The following GPAT3 variants were observed in gnomAD, a reference collection of about 807,000 sequenced individuals.
The protein encoded by GPAT3 is 1-AGP acyltransferase 9.
GPAT3 carries 53 observed loss-of-function variants against 58.8 expected under a neutral mutation model. That is an observed-to-expected ratio of 0.90 (90% CI 0.72 to 1.13). The LOEUF (loss-of-function observed/expected upper bound fraction) is 1.13, where lower values mean the gene tolerates loss of function less well. GPAT3 is among the 50% of genes most tolerant of loss of function. GPAT3 has a pLI of 0.00. For synonymous variants in GPAT3, 197 were observed against 187.4 expected (o/e 1.05, Z -0.42); for missense variants, 511 against 527.6 (o/e 0.97, Z 0.31).
In GPAT3 at chr4:83,581,699, T is replaced by G; in HGVS notation, c.346T>G (p.Phe116Val). ...TGTAGAAGATGAAGTGACCCAGAGG[T>G]TTTCCTCAGAGGAGCTAGTGTCATG... ...AIVEDEVTQRFSSEELVSWNL... is the reference protein window; with the variant it reads ...AIVEDEVTQRVSSEELVSWNL... Residue 116 changes from phenylalanine to valine, a missense_variant, in exon 3 of 12, where the codon TTT becomes GTT. Coordinates refer to ENST00000264409, the MANE Select transcript of GPAT3 (RefSeq NM_032717.5). 1 of 1,614,038 alleles carries G rather than the reference T, an allele frequency of 6.2e-7. No individual in the cohort carries two copies. The highest frequency in any genetic ancestry group is 8.5e-7 in the Non-Finnish European group (1 of 1,180,004).
intron 3 of GPAT3, among the ~76,000 whole-genome samples, chr4:83,584,689 A>G (rs562120226): frequency 2.2e-4 from 33 of 152,304 alleles, no homozygotes; most frequent in African/African-American, 7.2e-4. Flanking sequence ...TATTTTTAAT[A>G]GAGATGGGGT....
At position 83,597,455 on chromosome 4, in the gene GPAT3, C is replaced by T. The variant is rs749672557; in HGVS notation, c.936C>T (p.Val312=). 9 of 1,574,398 alleles carry T rather than the reference C, an allele frequency of 5.7e-6. No homozygotes were observed. The highest frequency in any genetic ancestry group is 5.2e-5 in the Admixed American group (3 of 57,984). Residue 312 remains valine (V), a synonymous_variant, in exon 9 of 12, where the codon GTC becomes GTT. Transcript: ENST00000264409. ...GAACTTGCATCAACAATACTTCAGT[C>T]ATGATGTTTAAAAAGGGGAGCTTTG... ...PEGTCINNTS[V]MMFKKGSFEI...
chr4:83,561,136 A>G (rs1343915290), intron 2 of GPAT3, among the ~76,000 whole-genome samples: 8 of 152,226 alleles, frequency 5.3e-5, no homozygotes, highest in Non-Finnish European at 1.0e-4. Flanking sequence ...TATTAGAGAA[A>G]ACAGCACAAT....
chr4:83,563,335 A>G (rs1048944920), intron 2 of GPAT3, among the ~76,000 whole-genome samples: 3 of 152,250 alleles, frequency 2.0e-5, no homozygotes, highest in African/African-American at 7.2e-5. Flanking sequence ...CATATGCTTT[A>G]ATAAATGTAG....
chr4:83,575,869 T>A (rs1341047631), intron 2 of GPAT3, among the ~76,000 whole-genome samples: 1 of 152,236 alleles, frequency 6.6e-6, no homozygotes, highest in African/African-American at 2.4e-5. Flanking sequence ...ATATCACATG[T>A]GTACTTGCCA....
At chr4:83,574,597 T>C (rs1725717752) in intron 2 of GPAT3, among the ~76,000 whole-genome samples, 1 of 143,388 alleles carries the variant, frequency 7.0e-6, no homozygotes, top group Non-Finnish European at 1.5e-5. Context: ...CTTTACCCTT[T>C]TAAAGCTGAC....
intron 2 of GPAT3, among the ~76,000 whole-genome samples, chr4:83,562,199 AAT>A (rs1553944888): frequency 2.8e-4 from 10 of 36,044 alleles, no homozygotes; most frequent in Non-Finnish European, 4.2e-4. Flanking sequence ...ATATATATAT[AAT>A]ATATATATAT....
At position 83,596,863 on chromosome 4, in the gene GPAT3, A is replaced by G. The variant is rs1411318142; in HGVS notation, c.860A>G (p.Lys287Arg). ...KDRHLVTKRLKEHIADKKKLP... is the reference protein window; with the variant it reads ...KDRHLVTKRLREHIADKKKLP... ...GATCCTTTTTTTTTCCATAGACTAA[A>G]AGAACATATTGCTGATAAGAAGAAA... is the stretch of plus-strand genomic sequence containing the variant. The change falls in exon 8 of 12, where the codon AAA becomes AGA. Residue 287 changes from lysine to arginine, a missense_variant. Transcript: ENST00000264409. 16 of 1,605,404 alleles carry G rather than the reference A, an allele frequency of 1.0e-5. No homozygotes were observed. The highest frequency in any genetic ancestry group is 1.3e-5 in the Non-Finnish European group (15 of 1,177,556).
chr4:83,591,406 T>C (rs1468205398), intron 6 of GPAT3, among the ~76,000 whole-genome samples: 1 of 152,320 alleles, frequency 6.6e-6, no homozygotes, highest in African/African-American at 2.4e-5. Flanking sequence ...ATTAAATTTC[T>C]CTAAATAATG....
chr4:83,562,469 A>C (rs1174449444), intron 2 of GPAT3, among the ~76,000 whole-genome samples: 1 of 151,410 alleles, frequency 6.6e-6, no homozygotes, highest in African/African-American at 2.4e-5. Context: ...AAGTGGAGAA[A>C]GGAGGCGTAG....
At chr4:83,542,514 G>A (rs563786802) in intron 1 of GPAT3, among the ~76,000 whole-genome samples, 2 of 152,350 alleles carry the variant, frequency 1.3e-5, no homozygotes, top group African/African-American at 4.8e-5. Flanking sequence ...GTTTGGCTCT[G>A]TGGGTTGTTT....
intron 7 of GPAT3, among the ~76,000 whole-genome samples, chr4:83,596,342 C>G (rs1726835529): frequency 6.6e-6 from 1 of 152,130 alleles, no homozygotes; most frequent in South Asian, 2.1e-4. Context: ...TACTTTGGTC[C>G]AGGCACATTG....
At chr4:83,549,166 GAA>G (rs36115990) in intron 2 of GPAT3, among the ~76,000 whole-genome samples, 1 of 128,092 alleles carries the variant, frequency 7.8e-6, no homozygotes, top group Non-Finnish European at 1.7e-5. Flanking sequence ...AGACCCATCT[GAA>G]AAAAAAAAAA....
intron 4 of GPAT3, 32 bp from the exon 5 acceptor site, chr4:83,588,178 A>C (rs1238823689): frequency 1.9e-6 from 3 of 1,593,638 alleles, no homozygotes; most frequent in South Asian, 2.2e-5. Flanking sequence ...AGTGCCCAGA[A>C]TGGCACAATA....
At chr4:83,568,674 A>G (rs1725495781) in intron 2 of GPAT3, among the ~76,000 whole-genome samples, 1 of 151,898 alleles carries the variant, frequency 6.6e-6, no homozygotes, top group Admixed American at 6.6e-5. Context: ...CACCCGGCCA[A>G]CTTTTTGTAT....
chr4:83,550,149 C>T (rs891581013), intron 2 of GPAT3, among the ~76,000 whole-genome samples: 1 of 152,004 alleles, frequency 6.6e-6, no homozygotes, highest in Non-Finnish European at 1.5e-5. Flanking sequence ...CAGGTGTGAG[C>T]CACCATGCCC....
intron 2 of GPAT3, among the ~76,000 whole-genome samples, chr4:83,569,335 G>T (rs1326416663): frequency 1.3e-5 from 2 of 152,184 alleles, no homozygotes; most frequent in Non-Finnish European, 2.9e-5. Flanking sequence ...CAAAGACCTT[G>T]AACTGAAACC....
Position 83,581,833 on chromosome 4 carries a change from G to A in GPAT3, c.479+1G>A. 3 of 1,605,554 alleles carry A rather than the reference G, an allele frequency of 1.9e-6. No homozygotes were observed. The highest frequency in any genetic ancestry group is 2.6e-6 in the Non-Finnish European group (3 of 1,174,018). Reference sequence around the variant, plus strand: ...GCTATTGTGTCCTACTGCCTCTGAGGTAAGTCATATGCCTGGTAATTTGAT... The same window carrying A: ...GCTATTGTGTCCTACTGCCTCTGAGATAAGTCATATGCCTGGTAATTTGAT... On this transcript the variant is annotated splice_donor_variant, in intron 3 of 11. Transcript: ENST00000264409. LOFTEE classifies it high-confidence loss of function.
intron 7 of GPAT3, among the ~76,000 whole-genome samples, chr4:83,595,891 T>C (rs975742463): frequency 6.6e-6 from 1 of 152,144 alleles, no homozygotes; most frequent in African/African-American, 2.4e-5. Context: ...CCATTACTCT[T>C]AATATAATGA....
Sources: gnomAD v4.1 joint callset for allele counts (sites outside exome capture counted in the v4.1 genomes callset) on GRCh38, gnomAD v4.1.1 for gene constraint, MANE v1.5 for transcripts, NCBI Gene and HGNC (gene_info 2026-07-23, HGNC 2026-07-21) for gene names.